The following EML6 variants were observed in gnomAD, a reference collection of about 807,000 sequenced individuals.
The protein encoded by EML6 is EMAP like 6.
A neutral mutation model predicts 240.1 loss-of-function variants in EML6; 154 were observed. That is an observed-to-expected ratio of 0.64 (90% CI 0.56 to 0.73). The LOEUF (loss-of-function observed/expected upper bound fraction) is 0.73, where lower values mean the gene tolerates loss of function less well. EML6 is among the 30% of genes least tolerant of loss of function. The pLI is 0.00. For synonymous variants in EML6, 1,148 were observed against 899.0 expected (o/e 1.28, Z -4.95); for missense variants, 2,964 against 2,474.6 (o/e 1.20, Z -4.20).
intron 26 of EML6, among the ~76,000 whole-genome samples, chr2:54,918,266 A>G (rs1674036050): frequency 6.6e-6 from 1 of 152,192 alleles, no homozygotes; most frequent in African/African-American, 2.4e-5. Context: ...ATCATAGAAA[A>G]AAAGACAGAC....
chr2:54,906,794 C>T (rs1240368168), intron 24 of EML6, among the ~76,000 whole-genome samples: 1 of 152,172 alleles, frequency 6.6e-6, no homozygotes, highest in Non-Finnish European at 1.5e-5. Flanking sequence ...CACCTCAGTC[C>T]CCAAAATGCC....
chr2:54,933,849 C>A (rs746443113), intron 28 of EML6, among the ~76,000 whole-genome samples: 1 of 152,176 alleles, frequency 6.6e-6, no homozygotes, highest in African/African-American at 2.4e-5. Flanking sequence ...TTGCCACATC[C>A]AGGATCTGAG....
chr2:54,763,702 G>C (rs1668068508), intron 2 of EML6, among the ~76,000 whole-genome samples: 1 of 152,162 alleles, frequency 6.6e-6, no homozygotes, highest in African/African-American at 2.4e-5. Context: ...CTAAAAGGGT[G>C]AATGTATTCA....
At chr2:54,730,062 G>A (rs1042634400) in intron 2 of EML6, among the ~76,000 whole-genome samples, 4 of 152,152 alleles carry the variant, frequency 2.6e-5, no homozygotes, top group Non-Finnish European at 4.4e-5. Context: ...CTTTGGCCCA[G>A]GAGGCAGAGG....
At position 54,871,553 on chromosome 2, in the gene EML6, G is replaced by T. The variant is rs1229654920; in HGVS notation, c.2292G>T (p.Leu764Phe). The change falls in exon 16 of 42, where the codon TTG (leucine) becomes TTT (phenylalanine). Residue 764 changes from leucine (L) to phenylalanine (F), a missense_variant. Physicochemically the swap from Leu to Phe is conservative, Grantham distance 22. Transcript: ENST00000356458. ...HVWDTQTLKCLSLLKGQHQRG... is the reference protein window; with the variant it reads ...HVWDTQTLKCFSLLKGQHQRG... ...GGGACACACAAACTCTAAAATGTTT[G>T]TCGCTGTTGAAAGGACAACATCAGA... 1.2e-5 allele frequency: 18 copies of T among 1,551,674 alleles called. No homozygotes were observed. Among genetic ancestry groups the T allele is most frequent in the Non-Finnish European group, 1.6e-5 (18 of 1,146,988 alleles).
intron 16 of EML6, among the ~76,000 whole-genome samples, chr2:54,872,175 A>G (rs1470744634): frequency 6.6e-6 from 1 of 152,204 alleles, no homozygotes; most frequent in Non-Finnish European, 1.5e-5. Context: ...ATAAAAAATA[A>G]CTGATGAAAG....
At chr2:54,896,497 G>A (rs1672774658) in intron 21 of EML6, among the ~76,000 whole-genome samples, 1 of 152,350 alleles carries the variant, frequency 6.6e-6, no homozygotes, top group Non-Finnish European at 1.5e-5. Context: ...GGATGGGGAT[G>A]TGGTAGGATG....
intron 2 of EML6, among the ~76,000 whole-genome samples, chr2:54,735,246 T>G (rs981539873): frequency 6.6e-6 from 1 of 152,260 alleles, no homozygotes; most frequent in Non-Finnish European, 1.5e-5. Context: ...TGCATCGTGT[T>G]GCATTTGTTG....
chr2:54,813,566 C>A (rs1371036638), intron 3 of EML6, among the ~76,000 whole-genome samples, 175 bp downstream of exon 3: 2 of 152,184 alleles, frequency 1.3e-5, no homozygotes, highest in Non-Finnish European at 2.9e-5. Flanking sequence ...TAACACCAAA[C>A]TCTGGACAGG....
intron 2 of EML6, among the ~76,000 whole-genome samples, chr2:54,793,604 C>T (rs533736899): frequency 2.0e-5 from 3 of 152,270 alleles, no homozygotes; most frequent in South Asian, 2.1e-4. Flanking sequence ...CTGCCAGTTG[C>T]CTACCAAATA....
chr2:54,967,439 G>A (rs572353917), intron 39 of EML6, among the ~76,000 whole-genome samples: 1 of 152,300 alleles, frequency 6.6e-6, no homozygotes, highest in African/African-American at 2.4e-5. Context: ...AAGGGAGTGG[G>A]AGGGCCAGAC....
chr2:54,948,772 G>A (rs141150501), intron 28 of EML6, 110 bp from the exon 29 acceptor site: 1,055 of 771,152 alleles, frequency 1.4e-3, no homozygotes, highest in Middle Eastern at 8.8e-3. Flanking sequence ...AGGGGCCTTT[G>A]AGGCGGGAGG....
chr2:54,905,340 A>G (rs1258374590), intron 24 of EML6, among the ~76,000 whole-genome samples: 1 of 147,238 alleles, frequency 6.8e-6, no homozygotes, highest in African/African-American at 2.5e-5. Flanking sequence ...ACACACACAC[A>G]CACACACACA....
At chr2:54,817,321 G>C (rs1270591050) in intron 4 of EML6, among the ~76,000 whole-genome samples, 1 of 152,200 alleles carries the variant, frequency 6.6e-6, no homozygotes, top group African/African-American at 2.4e-5. Context: ...AATGTGACCT[G>C]CTTACTCCTG....
At chr2:54,783,669 A>C (rs1668950843) in intron 2 of EML6, among the ~76,000 whole-genome samples, 3 of 152,208 alleles carry the variant, frequency 2.0e-5, no homozygotes, top group Admixed American at 2.0e-4. Context: ...ATTCACTGAA[A>C]TGTTTTTGAG....
At chr2:54,794,675 G>C (rs1254145123) in intron 2 of EML6, among the ~76,000 whole-genome samples, 1 of 152,162 alleles carries the variant, frequency 6.6e-6, no homozygotes, top group Non-Finnish European at 1.5e-5. Flanking sequence ...TAAAGGCTGG[G>C]CCACCTGTAA....
At chr2:54,730,822 A>G (rs1314061575) in intron 2 of EML6, among the ~76,000 whole-genome samples, 2 of 152,228 alleles carry the variant, frequency 1.3e-5, no homozygotes, top group Non-Finnish European at 2.9e-5. Flanking sequence ...TAATTCATCA[A>G]AAACTCATTT....
chr2:54,904,759 C>G (rs1673229896), intron 24 of EML6, among the ~76,000 whole-genome samples: 1 of 152,098 alleles, frequency 6.6e-6, no homozygotes, highest in Non-Finnish European at 1.5e-5. Flanking sequence ...GCATTCCCTC[C>G]CATCTTGGGG....
Position 54,884,644 on chromosome 2 carries a change from T to A in EML6, c.2438+5004T>A, listed in dbSNP as rs182797370. ...AGGTCAGGAAATGGAGGGGGAGAAT[T>A]GAAGACCACATATGTATTTTGTAAT... On this transcript the variant is annotated intron_variant, in intron 17 of 41. Transcript: ENST00000356458. Among the ~76,000 whole-genome samples the A allele has an allele frequency of 2.4e-3, 363 of 152,306 alleles. 7 individuals carry two copies. The highest frequency in any genetic ancestry group is 2.9e-3 in the Non-Finnish European group (195 of 68,018).
Sources: gnomAD v4.1 joint callset for allele counts (sites outside exome capture counted in the v4.1 genomes callset) on GRCh38, gnomAD v4.1.1 for gene constraint, MANE v1.5 for transcripts, NCBI Gene and HGNC (gene_info 2026-07-23, HGNC 2026-07-21) for gene names.